The following REXO5 variants were observed in gnomAD, a reference collection of about 807,000 sequenced individuals.
The protein encoded by REXO5 is RNA exonuclease 5.
A neutral mutation model predicts 88.5 loss-of-function variants in REXO5; 48 were observed. The ratio of observed to expected loss-of-function variants is 0.54; its 90% CI spans 0.43 to 0.69. The LOEUF is 0.69. Among genes scored for constraint, REXO5 ranks in the 30% least tolerant of loss-of-function variants. The pLI, the probability that REXO5 is intolerant of heterozygous loss-of-function variation, is 0.00. For synonymous variants in REXO5, 311 were observed against 336.5 expected, an observed-to-expected ratio of 0.92 and a Z score of 0.83; for missense variants, 749 against 912.2, an observed-to-expected ratio of 0.82 and a Z score of 2.30.
At position 20,840,481 on chromosome 16, in the gene REXO5, A is replaced by G. The variant is rs544174280; in HGVS notation, c.1626+13A>G. 18 of 1,535,386 alleles carry G rather than the reference A, an allele frequency of 1.2e-5. No individual in the cohort carries two copies. In the Admixed American group the frequency reaches 2.0e-4, roughly 17 times the overall value. ...TGAAACCCGTCAGGTAAGACCGGAA[A>G]ATTCAGATTTCATTTTCTAGATTAG... On this transcript the variant is annotated intron_variant, in intron 15 of 19. Coordinates refer to ENST00000261377, the MANE Select transcript of REXO5 (RefSeq NM_030941.3).
intron 9 of REXO5, 33 bp from the exon 10 acceptor site, chr16:20,827,320 G>GAC (rs749306211): frequency 1.1e-5 from 17 of 1,602,406 alleles, no homozygotes; most frequent in Middle Eastern, 1.6e-4. Context: ...TTTAGCATAA[G>GAC]ACACTACTCA....
At chr16:20,833,208 T>C (rs1014944112) in intron 13 of REXO5, 85 bp downstream of exon 13, 4 of 1,395,928 alleles carry the variant, frequency 2.9e-6, no homozygotes, top group Admixed American at 4.7e-5. Context: ...GTCAAGCTTT[T>C]TTTCATCAGC....
rs754589898 is a variant in REXO5, at chr16:20,827,148, T to C, written c.912T>C (p.Asp304=). ...QRQLKALLPP[D]AVLVGHSLDL... ...AGTTAAAAGCACTGCTTCCTCCTGA[T>C]GCTGTGTTAGTGGGCCACTCCTTAG... The change falls in exon 9 of 20, where the codon GAT becomes GAC. Residue 304 remains aspartate, a synonymous_variant. Coordinates refer to ENST00000261377, the MANE Select transcript of REXO5 (RefSeq NM_030941.3). The C allele has an allele frequency of 2.5e-6, 4 of 1,614,134 alleles. No individual in the cohort carries two copies. The highest frequency in any genetic ancestry group is 1.7e-6 in the Non-Finnish European group (2 of 1,179,990).
chr16:20,826,975 A>G lies in REXO5; in HGVS notation c.822-83A>G, dbSNP rs1001177606. On this transcript the variant is annotated intron_variant, in intron 8 of 19. Transcript: ENST00000261377. ...ATATATATATTAACAGTAATTTTAA[A>G]AAATGTTATTTTTAAAATCACTTTC... 7.0e-6 allele frequency: 10 copies of G among 1,432,498 alleles called. No homozygotes were observed. In the African/African-American group the frequency reaches 8.7e-5, roughly 12 times the overall value. 88.7% of individuals were successfully genotyped at this position (1,432,498 alleles called of 1,614,324 possible).
At chr16:20,807,241 G>A in intron 2 of REXO5, 150 bp downstream of exon 2, 3 of 860,736 alleles carry the variant, frequency 3.5e-6, no homozygotes, top group Non-Finnish European at 5.3e-6. Context: ...GGGAATGAGT[G>A]TAATACCACC....
intron 11 of REXO5, among the ~76,000 whole-genome samples, chr16:20,831,885 A>G (rs1447392530): frequency 6.6e-6 from 1 of 152,198 alleles, no homozygotes. Flanking sequence ...TCCTTTTTCA[A>G]TCAGCCCTAC....
At chr16:20,806,482 C>T (rs1360954975), upstream of REXO5, 3 of 1,549,130 alleles carry the variant, frequency 1.9e-6, no homozygotes, top group Admixed American at 2.0e-5. Context: ...CGCTCGACTT[C>T]TACTTCCGGT....
At position 20,845,276 on chromosome 16, in the gene REXO5, G is replaced by A. The variant is rs770735727; in HGVS notation, c.2124+35G>A. On this transcript the variant is annotated intron_variant, in intron 18 of 19. Transcript: ENST00000261377. ...TGAAGGCGTCTTGGAGAAGATGTCA[G>A]GAGAGTCCTGCTCAGTGACACTTAA... The A allele has an allele frequency of 2.5e-6, 4 of 1,583,172 alleles. No homozygotes were observed. In the South Asian group the frequency reaches 4.5e-5, roughly 18 times the overall value.
Position 20,828,502 on chromosome 16 carries a change from T to C in REXO5, c.1123T>C (p.Leu375=), listed in dbSNP as rs1303305485. 2 of 1,614,022 alleles carry C rather than the reference T, an allele frequency of 1.2e-6. No individual in the cohort carries two copies. Among genetic ancestry groups the C allele is most frequent in the Non-Finnish European group, 1.7e-6 (2 of 1,179,906 alleles). Residue 375 remains leucine, a synonymous_variant, in exon 11 of 20, where the codon TTG becomes CTG. Coordinates refer to ENST00000261377, the MANE Select transcript of REXO5 (RefSeq NM_030941.3). The part of the protein sequence containing the change: ...ATEDARTILE[L]ARYFLKHGPK... The stretch of plus-strand genomic sequence containing the variant: ...AGAAGATGCTAGAACAATCCTTGAA[T>C]TGGCTCGGTATTTCCTTAAGCATGG...
rs2080905744 is a variant in REXO5 at position 20,807,436 on chromosome 16, A to G, written c.138+345A>G. The G allele has an allele frequency of 2.2e-5, 6 of 269,460 alleles. No homozygotes were observed. In the South Asian group the frequency reaches 2.5e-4, roughly 11 times the overall value. The allele number at this position is 269,460 out of a possible 1,614,324, so 16.7% of individuals were successfully genotyped here. A position where few individuals can be genotyped will look rare whatever the true frequency, so the allele number is the denominator to read the frequency against. On this transcript the variant is annotated intron_variant, in intron 2 of 19. Transcript: ENST00000261377. ...CTACCAAAAACACACACACAAAATT[A>G]GCCAGGCGTGGTAGTGGGTGACTGT...
At chr16:20,819,615 C>T (rs777856496) in intron 5 of REXO5, among the ~76,000 whole-genome samples, 6 of 151,506 alleles carry the variant, frequency 4.0e-5, no homozygotes, top group African/African-American at 7.3e-5. Flanking sequence ...ATTAGCCGGG[C>T]GTGGTGGTAC....
chr16:20,826,112 G>A (rs1294292696), intron 8 of REXO5, among the ~76,000 whole-genome samples, 164 bp downstream of exon 8: 2 of 152,212 alleles, frequency 1.3e-5, no homozygotes, highest in African/African-American at 4.8e-5. Flanking sequence ...ATTGCACAAT[G>A]TCAGTGTATA....
chr16:20,810,748 C>T (rs928774454), intron 2 of REXO5, among the ~76,000 whole-genome samples: 3 of 152,194 alleles, frequency 2.0e-5, no homozygotes, highest in Non-Finnish European at 4.4e-5. Flanking sequence ...CGACACCCAA[C>T]ATCTTCAGTA....
At chr16:20,822,518 C>A (rs565433468) in intron 6 of REXO5, among the ~76,000 whole-genome samples, 38 of 152,294 alleles carry the variant, frequency 2.5e-4, no homozygotes, top group South Asian at 8.3e-4. Context: ...GTACAGCCAT[C>A]ACCACAATTT....
intron 15 of REXO5, among the ~76,000 whole-genome samples, chr16:20,842,130 A>G (rs963670518): frequency 1.6e-4 from 24 of 152,134 alleles, no homozygotes; most frequent in Admixed American, 1.3e-4. Flanking sequence ...AGCTATCATC[A>G]CCATCCATCT....
chr16:20,840,976 G>T (rs546596279), intron 15 of REXO5, among the ~76,000 whole-genome samples: 1 of 152,258 alleles, frequency 6.6e-6, no homozygotes, highest in African/African-American at 2.4e-5. Context: ...AAAAAGAGAA[G>T]TAACTTTCAT....
At position 20,807,017 on chromosome 16, in the gene REXO5, C is replaced by T. The variant is rs1330732784; in HGVS notation, c.64C>T (p.Pro22Ser). Residue 22 changes from proline to serine, a missense_variant, in exon 2 of 20, where the codon CCA (proline) becomes TCA (serine). Coordinates refer to ENST00000261377, the MANE Select transcript of REXO5 (RefSeq NM_030941.3). ...PRKVRESRQA[P>S]NKLVGAAEAM... ...GAAGGTCAGGGAAAGCAGGCAGGCC[C>T]CAAATAAGCTGGTCGGGGCAGCTGA... is the stretch of plus-strand genomic sequence containing the variant. 1.2e-6 allele frequency: 2 copies of T among 1,602,622 alleles called. No homozygotes were observed. The highest frequency in any genetic ancestry group is 1.7e-5 in the Admixed American group (1 of 58,106).
chr16:20,843,945 T>C lies in REXO5; in HGVS notation c.1638T>C (p.Cys546=), dbSNP rs772759854. The change falls in exon 16 of 20, where the codon TGT becomes TGC. Residue 546 remains cysteine, a synonymous_variant. Transcript: ENST00000261377. ...FVLETRQPHL[C]IQYEVLEAAQ... ...TGGTCTTTCTGCAGCCTCATCTCTG[T>C]ATACAGTATGAAGTCCTAGAAGCTG... 3 of 1,604,500 alleles carry C rather than the reference T, an allele frequency of 1.9e-6. No individual in the cohort carries two copies. The South Asian group carries it at 3.3e-5, about 18-fold the overall frequency.
intron 16 of REXO5, among the ~76,000 whole-genome samples, chr16:20,844,261 T>C (rs555308982): frequency 6.6e-6 from 1 of 152,338 alleles, no homozygotes; most frequent in East Asian, 1.9e-4. Context: ...GCATTCTTTG[T>C]TACTACTTAA....
Sources: allele counts gnomAD v4.1 joint callset (sites outside exome capture counted in the v4.1 genomes callset), GRCh38; gene constraint gnomAD v4.1.1; transcripts MANE v1.5; gene names NCBI Gene and HGNC (gene_info 2026-07-23, HGNC 2026-07-21).